SSPN: variants seen among roughly 807,000 people sequenced by gnomAD.
SSPN encodes the protein K-ras oncogene-associated protein.
In SSPN, 15 loss-of-function variants were observed where a neutral mutation model predicts 19.1. The observed-to-expected ratio is 0.78, with a 90% CI of 0.52 to 1.21. SSPN has a LOEUF of 1.21. Ranked by LOEUF, SSPN falls within the 50% of genes most tolerant of loss-of-function variation. SSPN has a pLI of 0.00. For missense variants in SSPN, 291 were observed against 314.0 expected, an observed-to-expected ratio of 0.93 and a Z score of 0.55; for synonymous variants, 147 against 140.3, an observed-to-expected ratio of 1.05 and a Z score of -0.34.
intron 1 of SSPN, among the ~76,000 whole-genome samples, chr12:26,160,753 A>C (rs1944582892): frequency 6.6e-6 from 1 of 152,006 alleles, no homozygotes; most frequent in South Asian, 2.1e-4. Context: ...TATGAGCCTC[A>C]TGAAGCCCTC....
upstream of SSPN, among the ~76,000 whole-genome samples, chr12:26,195,091 T>C (rs1944813977): frequency 6.6e-6 from 1 of 152,214 alleles, no homozygotes; most frequent in Non-Finnish European, 1.5e-5. Flanking sequence ...AAAATGCCTT[T>C]ATTCATTTGT....
intron 1 of SSPN, chr12:26,124,260 C>G: frequency 3.6e-6 from 2 of 562,116 alleles, no homozygotes; most frequent in Non-Finnish European, 6.2e-6. Flanking sequence ...TCTGCCCCCC[C>G]CGCCCCCCCA....
At chr12:26,170,715 T>A (rs548246130) in intron 1 of SSPN, among the ~76,000 whole-genome samples, 10 of 152,348 alleles carry the variant, frequency 6.6e-5, no homozygotes, top group South Asian at 6.2e-4. Flanking sequence ...ATATTTTGTG[T>A]TTTGGAATTC....
chr12:26,163,061 ATGTG>A (rs1209466155), intron 1 of SSPN, among the ~76,000 whole-genome samples: 1 of 50,266 alleles, frequency 2.0e-5, no homozygotes, highest in African/African-American at 8.4e-5. Context: ...GTGTGTGTGT[ATGTG>A]TGTGTGTGTG....
chr12:26,209,366 C>T (rs929180399), intron 1 of SSPN, among the ~76,000 whole-genome samples: 3 of 152,040 alleles, frequency 2.0e-5, no homozygotes, highest in African/African-American at 7.2e-5. Flanking sequence ...GTTTAGGGTT[C>T]TATACTCAAT....
chr12:26,225,619 C>G lies in SSPN; in HGVS notation c.366+1240C>G, dbSNP rs548186755. Among the ~76,000 whole-genome samples the G allele has an allele frequency of 2.3e-3, 344 of 151,888 alleles. 3 individuals carry two copies. Among genetic ancestry groups the G allele is most frequent in the South Asian group, 0.013 (63 of 4,794 alleles). The stretch of plus-strand genomic sequence containing the variant: ...TGAAGTTAGAATTTTGGTGGATATG[C>G]CTTCATTTGGAAATTATACTTTTCT... On this transcript the variant is annotated intron_variant, in intron 2 of 2. Transcript: ENST00000242729.
chr12:26,136,049 A>G (rs1245229344), intron 1 of SSPN, among the ~76,000 whole-genome samples: 1 of 152,232 alleles, frequency 6.6e-6, no homozygotes, highest in East Asian at 1.9e-4. Flanking sequence ...TAAATATTTG[A>G]AAATAAATTG....
intron 1 of SSPN, among the ~76,000 whole-genome samples, chr12:26,185,658 C>T (rs949958127): frequency 7.2e-5 from 11 of 152,184 alleles, no homozygotes; most frequent in African/African-American, 2.4e-4. Flanking sequence ...AGTAGGCCCA[C>T]CCTGACACAT....
At chr12:26,134,557 C>A (rs1944414529) in intron 1 of SSPN, among the ~76,000 whole-genome samples, 3 of 152,230 alleles carry the variant, frequency 2.0e-5, no homozygotes, top group Admixed American at 1.3e-4. Flanking sequence ...CACAACTCTT[C>A]TGAATGATTC....
chr12:26,140,471 C>T (rs927326874), intron 1 of SSPN, among the ~76,000 whole-genome samples: 2 of 152,178 alleles, frequency 1.3e-5, no homozygotes, highest in Non-Finnish European at 2.9e-5. Context: ...CTCATTGGGA[C>T]TATTGAGAGA....
chr12:26,213,437 T>C (rs1945013486), intron 1 of SSPN, among the ~76,000 whole-genome samples: 1 of 152,024 alleles, frequency 6.6e-6, no homozygotes. Flanking sequence ...AGCTAGAAAG[T>C]GGTGGAGGTG....
At chr12:26,198,346 G>T (rs1478025176) in intron 1 of SSPN, among the ~76,000 whole-genome samples, 1 of 152,182 alleles carries the variant, frequency 6.6e-6, no homozygotes, top group Non-Finnish European at 1.5e-5. Context: ...CAAATAACTT[G>T]TATGCTAACT....
Position 26,228,323 on chromosome 12 carries a change from C to T in SSPN, c.367-2388C>T, listed in dbSNP as rs1945197340. The stretch of plus-strand genomic sequence containing the variant: ...CTGAGGCATGAGAATCGCTTCAACC[C>T]AGGAGGCAGAAGTTGCAGTGAGCTG... On this transcript the variant is annotated intron_variant, in intron 2 of 2. Coordinates refer to ENST00000242729, the MANE Select transcript of SSPN (RefSeq NM_005086.5). Among the ~76,000 whole-genome samples, 3 of 150,042 alleles carry T rather than the reference C, an allele frequency of 2.0e-5. 1 individual carries two copies. The South Asian group carries it at 6.3e-4, about 32-fold the overall frequency.
At position 26,230,642 on chromosome 12, in the gene SSPN, G is replaced by T. The variant is rs141438340; in HGVS notation, c.367-69G>T. 57 of 1,513,702 alleles carry T rather than the reference G, an allele frequency of 3.8e-5. No individual in the cohort carries two copies. The African/African-American group carries it at 6.1e-4, about 16-fold the overall frequency. 93.8% of individuals were successfully genotyped at this position (1,513,702 alleles called of 1,614,324 possible). On this transcript the variant is annotated intron_variant, in intron 2 of 2. Transcript: ENST00000242729. ...AGGGAAGAAAAAGAACAGTTTTGATGAATTCGCTTTGCAAATCATCATCCA... is the reference window on the plus strand; with the variant it reads ...AGGGAAGAAAAAGAACAGTTTTGATTAATTCGCTTTGCAAATCATCATCCA...
intron 1 of SSPN, chr12:26,124,827 C>A: frequency 6.3e-7 from 1 of 1,592,948 alleles, no homozygotes; most frequent in Middle Eastern, 1.7e-4. Flanking sequence ...GGGCTCTGTA[C>A]AATAATCTGT....
chr12:26,233,343 T>TAC lies in SSPN; in HGVS notation c.*2268_*2269insCA, dbSNP rs1491054468. 6.7e-6 allele frequency: 1 copy of TAC among 149,186 alleles called. No individual in the cohort carries two copies. Among genetic ancestry groups the TAC allele is most frequent in the Non-Finnish European group, 1.5e-5 (1 of 67,886 alleles). The allele number at this position is 149,186 out of a possible 1,614,324, so 9.2% of individuals were successfully genotyped here. A position where few individuals can be genotyped will look rare whatever the true frequency, so the allele number is the denominator to read the frequency against. On this transcript the variant is annotated 3_prime_UTR_variant, in exon 3 of 3. Transcript: ENST00000242729. The surrounding 1 kb of genome is among the most constrained non-coding windows in gnomAD (Gnocchi z 4.3). ...ATAACCGTCAGGAGATATATATATATATATATACACATACACACACACACA... is the reference window on the plus strand; with the variant it reads ...ATAACCGTCAGGAGATATATATATATACATATATACACATACACACACACACA...
At chr12:26,139,159 A>G (rs1307141287) in intron 1 of SSPN, among the ~76,000 whole-genome samples, 1 of 152,146 alleles carries the variant, frequency 6.6e-6, no homozygotes, top group African/African-American at 2.4e-5. Context: ...TAAAATATAT[A>G]TTACTCCTGT....
chr12:26,179,831 A>G (rs566532760), intron 1 of SSPN, among the ~76,000 whole-genome samples: 3 of 151,218 alleles, frequency 2.0e-5, no homozygotes, highest in African/African-American at 7.3e-5. Context: ...TCACATATGT[A>G]TACGGTGTTG....
rs1253832965 is a variant in SSPN, at chr12:26,231,811, ACATTATGCTTCTATTCTAT to A, written c.*739_*757del. ...TGATGTAGAAGGTTTAAAAATAATT[ACATTATGCTTCTATTCTAT>A]CATCTAAAACAAATCATTAAAACTA... On this transcript the variant is annotated 3_prime_UTR_variant, in exon 3 of 3. Coordinates refer to ENST00000242729, the MANE Select transcript of SSPN (RefSeq NM_005086.5). The A allele has an allele frequency of 6.8e-6, 3 of 440,244 alleles. No homozygotes were observed. Among genetic ancestry groups the A allele is most frequent in the Non-Finnish European group, 9.0e-6 (3 of 332,028 alleles). The allele number at this position is 440,244 out of a possible 1,614,324, so 27.3% of individuals were successfully genotyped here.
Sources: allele counts gnomAD v4.1 joint callset (sites outside exome capture counted in the v4.1 genomes callset), GRCh38; gene constraint gnomAD v4.1.1; non-coding constraint Gnocchi (gnomAD v3.1); transcripts MANE v1.5; gene names NCBI Gene and HGNC (gene_info 2026-07-23, HGNC 2026-07-21).